Variants in UBAC2 observed in about 807,000 individuals in gnomAD.
The protein encoded by UBAC2 is ubiquitin-associated domain-containing protein 2.
Under a neutral mutation model 44.0 loss-of-function variants are expected in UBAC2, and 26 were observed. That is an observed-to-expected ratio of 0.59 (90% CI 0.43 to 0.82). UBAC2 has a LOEUF of 0.82. Ranked by LOEUF, UBAC2 falls within the 40% of genes least tolerant of loss-of-function variation. The pLI is 0.00. For synonymous variants in UBAC2, 155 were observed against 154.3 expected (o/e 1.00, Z -0.04); for missense variants, 329 against 419.4 (o/e 0.78, Z 1.88).
intron 1 of UBAC2, chr13:99,201,607 TTCTCACTGAGTGTG>T: frequency 6.2e-7 from 1 of 1,609,758 alleles, no homozygotes; most frequent in Non-Finnish European, 8.5e-7. Context: ...TAAACGGCTT[TTCTCACTGAGTGTG>T]TGGAATTGAC....
chr13:99,365,746 C>T (rs557647328), intron 7 of UBAC2, among the ~76,000 whole-genome samples: 1 of 152,152 alleles, frequency 6.6e-6, no homozygotes, highest in East Asian at 1.9e-4. Flanking sequence ...ATATTAAATG[C>T]AAGGTATATA....
At chr13:99,236,950 C>T (rs113510604) in intron 1 of UBAC2, among the ~76,000 whole-genome samples, 12,188 of 148,394 alleles carry the variant, frequency 0.082, 566 homozygotes, top group East Asian at 0.13. Flanking sequence ...AGTACAGTCA[C>T]GATGGAAAAC....
intron 4 of UBAC2, among the ~76,000 whole-genome samples, chr13:99,293,685 T>G (rs2044125227): frequency 6.6e-6 from 1 of 152,204 alleles, no homozygotes; most frequent in Non-Finnish European, 1.5e-5. Flanking sequence ...AGGTGGCTCT[T>G]TGTGAAATAA....
intron 4 of UBAC2, among the ~76,000 whole-genome samples, chr13:99,256,093 C>T (rs2043550806): frequency 6.6e-6 from 1 of 152,096 alleles, no homozygotes; most frequent in African/African-American, 2.4e-5. Flanking sequence ...GGAACTTTTC[C>T]TTTGTTACAG....
intron 5 of UBAC2, among the ~76,000 whole-genome samples, chr13:99,316,418 G>GATGAATGAATGA (rs764363585): frequency 3.4e-5 from 5 of 148,412 alleles, no homozygotes; most frequent in Non-Finnish European, 7.6e-5. Context: ...TGAATGAATG[G>GATGAATGAATGA]ATGAATGAAT....
intron 4 of UBAC2, among the ~76,000 whole-genome samples, chr13:99,305,149 T>G (rs2044314047): frequency 6.6e-6 from 1 of 152,230 alleles, no homozygotes; most frequent in African/African-American, 2.4e-5. Context: ...ATATCTAGAA[T>G]AGGCTTTTAT....
chr13:99,228,440 C>CA (rs2043135862), intron 1 of UBAC2, among the ~76,000 whole-genome samples: 1 of 147,328 alleles, frequency 6.8e-6, no homozygotes, highest in Admixed American at 7.6e-5. Flanking sequence ...GGCTCCCCCG[C>CA]ACCCCACCAC....
At position 99,385,746 on chromosome 13, in the gene UBAC2, A is replaced by G. The variant is rs2045611833; in HGVS notation, c.*411A>G. 1 of 170,766 alleles carries G rather than the reference A, an allele frequency of 5.9e-6. No homozygotes were observed. The highest frequency in any genetic ancestry group is 2.4e-5 in the African/African-American group (1 of 42,104). The allele number at this position is 170,766 out of a possible 1,614,324, so 10.6% of individuals were successfully genotyped here. On this transcript the variant is annotated 3_prime_UTR_variant, in exon 9 of 9. Transcript: ENST00000403766. ...AATGTTACTTCACAAAGGACATGTC[A>G]GATCCTTCTTCATGGACTTTTTTAG...
At chr13:99,338,021 A>C (rs1430126501) in intron 6 of UBAC2, among the ~76,000 whole-genome samples, 1 of 136,486 alleles carries the variant, frequency 7.3e-6, no homozygotes, top group African/African-American at 2.9e-5. Context: ...ATTGCAAAAA[A>C]ATCTCCTAAC....
At chr13:99,341,023 T>TA (rs3031415) in intron 7 of UBAC2, among the ~76,000 whole-genome samples, 53,174 of 151,626 alleles carry the variant, frequency 0.35, 10,396 homozygotes, top group East Asian at 0.44. Flanking sequence ...AAGGAGTAGA[T>TA]AAAAAAAAAT....
chr13:99,227,545 T>C (rs190098842), intron 1 of UBAC2, among the ~76,000 whole-genome samples: 146 of 152,356 alleles, frequency 9.6e-4, no homozygotes, highest in Non-Finnish European at 1.7e-3. Context: ...GGAGCAGTCC[T>C]ACCATGTGTT....
chr13:99,335,591 G>T (rs570205873), intron 6 of UBAC2, among the ~76,000 whole-genome samples: 1 of 152,140 alleles, frequency 6.6e-6, no homozygotes, highest in Non-Finnish European at 1.5e-5. Flanking sequence ...GAAGATGAGC[G>T]CAACATGTGA....
intron 6 of UBAC2, among the ~76,000 whole-genome samples, chr13:99,334,590 A>G (rs74112050): frequency 0.024 from 3,601 of 152,276 alleles, 149 homozygotes; most frequent in African/African-American, 0.082. Context: ...CAAATATATT[A>G]TGCTCAATTT....
At chr13:99,247,316 G>A (rs1360991782) in intron 4 of UBAC2, among the ~76,000 whole-genome samples, 4 of 151,702 alleles carry the variant, frequency 2.6e-5, no homozygotes, top group East Asian at 3.9e-4. Flanking sequence ...CCCGGTTCAC[G>A]CCATTCTCCT....
chr13:99,217,406 C>CT (rs1413467106), intron 1 of UBAC2, among the ~76,000 whole-genome samples: 2 of 152,238 alleles, frequency 1.3e-5, no homozygotes, highest in East Asian at 3.8e-4. Context: ...TGTGTTCTGC[C>CT]TGCCCTCTTT....
intron 1 of UBAC2, chr13:99,215,808 C>A: frequency 1.5e-6 from 1 of 677,358 alleles, no homozygotes; most frequent in Non-Finnish European, 2.5e-6. Flanking sequence ...CTAATCAGAC[C>A]CGTGGTGAGA....
chr13:99,311,769 C>T (rs2044414009), intron 4 of UBAC2, among the ~76,000 whole-genome samples: 1 of 152,194 alleles, frequency 6.6e-6, no homozygotes, highest in Admixed American at 6.5e-5. Flanking sequence ...GTAGTGAGCT[C>T]CTAAACTGTG....
At position 99,242,127 on chromosome 13, in the gene UBAC2, A is replaced by G. The variant is rs377052146; in HGVS notation, c.160-1705A>G. Among the ~76,000 whole-genome samples, 153 of 152,028 alleles carry G rather than the reference A, an allele frequency of 1.0e-3. 1 individual carries two copies. The East Asian group carries it at 0.022, about 22-fold the overall frequency. ...TACAGAACAAAATGAAAAGTCTCCC[A>G]TGTCTACTTCTTTCTACACAGAGAC... On this transcript the variant is annotated intron_variant, in intron 2 of 8. Coordinates refer to ENST00000403766, the MANE Select transcript of UBAC2 (RefSeq NM_001144072.2).
At chr13:99,301,088 C>T (rs1336400542) in intron 4 of UBAC2, among the ~76,000 whole-genome samples, 2 of 152,118 alleles carry the variant, frequency 1.3e-5, no homozygotes, top group African/African-American at 2.4e-5. Context: ...TTCTTTAGAA[C>T]ACTAATATCA....
Sources: gnomAD v4.1 joint callset for allele counts (sites outside exome capture counted in the v4.1 genomes callset) on GRCh38, gnomAD v4.1.1 for gene constraint, MANE v1.5 for transcripts, NCBI Gene and HGNC (gene_info 2026-07-23, HGNC 2026-07-21) for gene names.